Variants in NR5A2 observed in about 807,000 individuals in gnomAD.
NR5A2 encodes nuclear receptor subfamily 5 group A member 2.
NR5A2 carries 26 observed loss-of-function variants against 62.7 expected under a neutral mutation model. The observed-to-expected ratio is 0.41, with a 90% CI of 0.30 to 0.58. The LOEUF is 0.58. Ranked by LOEUF, NR5A2 falls within the 20% of genes least tolerant of loss-of-function variation. The pLI is 0.22. For missense variants in NR5A2, 541 were observed against 669.1 expected (o/e 0.81, Z 2.11); for synonymous variants, 246 against 241.7 (o/e 1.02, Z -0.16).
At chr1:200,110,015 T>G (rs1298211900) in intron 5 of NR5A2, among the ~76,000 whole-genome samples, 1 of 152,172 alleles carries the variant, frequency 6.6e-6, no homozygotes, top group Non-Finnish European at 1.5e-5. Flanking sequence ...TCTGCCCGCC[T>G]CAGCCTCCCA....
intron 7 of NR5A2, among the ~76,000 whole-genome samples, chr1:200,161,699 G>A (rs1218196525): frequency 6.6e-6 from 1 of 152,210 alleles, no homozygotes; most frequent in Non-Finnish European, 1.5e-5. Context: ...TGTTATATTT[G>A]AAATTGGTTA....
chr1:200,123,224 A>G (rs2737682), intron 7 of NR5A2, among the ~76,000 whole-genome samples: 134,664 of 152,206 alleles, frequency 0.88, 59,599 homozygotes, highest in East Asian at 0.97. Context: ...GCCAGGGTCT[A>G]TTCTGAGAGA....
chr1:200,118,553 A>G (rs1666346933), intron 6 of NR5A2, among the ~76,000 whole-genome samples: 1 of 152,222 alleles, frequency 6.6e-6, no homozygotes. Flanking sequence ...TGTAAGAGGC[A>G]GCATTGGCTC....
chr1:200,166,636 T>C (rs1389145279), intron 7 of NR5A2, among the ~76,000 whole-genome samples: 1 of 152,138 alleles, frequency 6.6e-6, no homozygotes, highest in Non-Finnish European at 1.5e-5. Context: ...ACTCCAGGAC[T>C]TTAAAATAAT....
rs1471971824 is a variant in NR5A2 at position 200,048,704 on chromosome 1, C to T, written c.996C>T (p.Asn332=). 1 of 1,614,066 alleles carries T rather than the reference C, an allele frequency of 6.2e-7. No individual in the cohort carries two copies. The highest frequency in any genetic ancestry group is 2.2e-5 in the East Asian group (1 of 44,896). The change falls in exon 5 of 8, where the codon AAC becomes AAT. Residue 332 remains asparagine (N), a synonymous_variant. Transcript: ENST00000367362. The surrounding 1 kb of genome is among the most constrained non-coding windows in gnomAD (Gnocchi z 4.8). ...CCTATTTGCAGCAAGAGCAGGCTAACCGAAGCAAGCACGAAAAGCTGAGCA... is the reference window on the plus strand; with the variant it reads ...CCTATTTGCAGCAAGAGCAGGCTAATCGAAGCAAGCACGAAAAGCTGAGCA... ...IMAYLQQEQA[N]RSKHEKLSTF...
At position 200,154,208 on chromosome 1, in the gene NR5A2, C is replaced by T. The variant is rs201917555; in HGVS notation, c.1379-19755C>T. ...TATGTACCTTTCAGGGTTGTTTCAG[C>T]AGTCCTGAAGTTGTGTGTGTGTGTA... On this transcript the variant is annotated intron_variant, in intron 7 of 7. Transcript: ENST00000367362. Among the ~76,000 whole-genome samples the T allele has an allele frequency of 3.3e-5, 5 of 152,318 alleles. No individual in the cohort carries two copies. The East Asian group carries it at 9.6e-4, about 29-fold the overall frequency.
intron 5 of NR5A2, among the ~76,000 whole-genome samples, chr1:200,105,377 C>A (rs183204323): frequency 1.3e-5 from 2 of 152,204 alleles, no homozygotes; most frequent in East Asian, 3.9e-4. Flanking sequence ...CCTTCTCTGA[C>A]CCCCTAGGAA....
At chr1:200,050,840 C>T (rs983923841) in intron 5 of NR5A2, among the ~76,000 whole-genome samples, 5 of 152,036 alleles carry the variant, frequency 3.3e-5, no homozygotes, top group African/African-American at 4.8e-5. Context: ...TGCGGTGAGC[C>T]GAGATCTTGC....
intron 5 of NR5A2, among the ~76,000 whole-genome samples, chr1:200,056,301 A>G (rs1396988080): frequency 6.6e-6 from 1 of 152,200 alleles, no homozygotes; most frequent in African/African-American, 2.4e-5. Flanking sequence ...ATGCCCACTT[A>G]CTGTGGGGAT....
At chr1:200,074,740 A>AAAAAAAC (rs1245018485) in intron 5 of NR5A2, among the ~76,000 whole-genome samples, 1 of 76,136 alleles carries the variant, frequency 1.3e-5, no homozygotes, top group African/African-American at 4.9e-5. Flanking sequence ...CCATCTCAAA[A>AAAAAAAC]AAAAAAAAAA....
chr1:200,030,511 AC>A (rs1661511590), intron 1 of NR5A2, among the ~76,000 whole-genome samples: 1 of 152,214 alleles, frequency 6.6e-6, no homozygotes, highest in Non-Finnish European at 1.5e-5. Context: ...TAACTCTGGG[AC>A]ACTGGCCAGA....
At chr1:200,029,214 G>GCGCGCGCACGGGGGA (rs750667800) in intron 1 of NR5A2, 2 of 243,612 alleles carry the variant, frequency 8.2e-6, no homozygotes, top group African/African-American at 4.7e-5. Flanking sequence ...GACGCGGACT[G>GCGCGCGCACGGGGGA]CGCGCGCACG....
intron 5 of NR5A2, among the ~76,000 whole-genome samples, chr1:200,051,555 C>G (rs1183604838): frequency 6.6e-6 from 1 of 152,102 alleles, no homozygotes; most frequent in African/African-American, 2.4e-5. Flanking sequence ...AAAGTACAAA[C>G]GTGAGGGTCG....
At chr1:200,034,235 C>T (rs1032490590) in intron 1 of NR5A2, among the ~76,000 whole-genome samples, 1 of 152,076 alleles carries the variant, frequency 6.6e-6, no homozygotes, top group African/African-American at 2.4e-5. Flanking sequence ...TTCTGTTGGC[C>T]CCGAGGCTGG....
At chr1:200,161,902 T>C (rs1653660994) in intron 7 of NR5A2, among the ~76,000 whole-genome samples, 1 of 152,192 alleles carries the variant, frequency 6.6e-6, no homozygotes, top group Non-Finnish European at 1.5e-5. Flanking sequence ...GTGCTATACC[T>C]GTGTGGTGTA....
At chr1:200,047,532 C>T (rs985062431) in intron 4 of NR5A2, among the ~76,000 whole-genome samples, 7 of 152,126 alleles carry the variant, frequency 4.6e-5, no homozygotes, top group Non-Finnish European at 8.8e-5. Context: ...AAAGCATATA[C>T]TCTTAGTAGA....
At chr1:200,158,892 T>C (rs1653505328) in intron 7 of NR5A2, among the ~76,000 whole-genome samples, 1 of 141,198 alleles carries the variant, frequency 7.1e-6, no homozygotes, top group Non-Finnish European at 1.5e-5. Context: ...GACCTTAATA[T>C]GTTTGATTCT....
At chr1:200,062,629 T>C (rs1027459190) in intron 5 of NR5A2, among the ~76,000 whole-genome samples, 8 of 152,244 alleles carry the variant, frequency 5.3e-5, no homozygotes, top group Non-Finnish European at 1.0e-4. Flanking sequence ...GACTAGCTAA[T>C]CAAATGTAAT....
intron 7 of NR5A2, among the ~76,000 whole-genome samples, chr1:200,141,676 T>C (rs1016171887): frequency 6.6e-6 from 1 of 152,330 alleles, no homozygotes; most frequent in East Asian, 1.9e-4. Flanking sequence ...TATAATCTAT[T>C]TTTTAAGAGG....
Sources: gnomAD v4.1 joint callset for allele counts (sites outside exome capture counted in the v4.1 genomes callset) on GRCh38, gnomAD v4.1.1 for gene constraint, Gnocchi (gnomAD v3.1) non-coding constraint, MANE v1.5 for transcripts, NCBI Gene and HGNC (gene_info 2026-07-23, HGNC 2026-07-21) for gene names.